The following BMAL1 variants were observed in gnomAD, a reference collection of about 807,000 sequenced individuals.
The protein encoded by BMAL1 is basic helix-loop-helix ARNT like 1.
At chr11:13,361,857 C>G in the BMAL1 span, among the ~76,000 whole-genome samples, 1 of 149,984 alleles carries the variant, frequency 6.7e-6, no homozygotes, top group Non-Finnish European at 1.5e-5. Flanking sequence ...GCCAGACCCA[C>G]TGTAAAAACA....
At chr11:13,308,069 C>T in the BMAL1 span, among the ~76,000 whole-genome samples, 6 of 151,774 alleles carry the variant, frequency 4.0e-5, no homozygotes, top group Admixed American at 3.9e-4. Flanking sequence ...AGGATGGGGA[C>T]GGTGGAGGTG....
the BMAL1 span, chr11:13,372,428 C>A: frequency 2.5e-6 from 4 of 1,610,674 alleles, no homozygotes; most frequent in Non-Finnish European, 3.4e-6. Flanking sequence ...CTACATACTA[C>A]CCTTGAGCAA....
At chr11:13,314,728 A>G in the BMAL1 span, among the ~76,000 whole-genome samples, 5 of 152,196 alleles carry the variant, frequency 3.3e-5, no homozygotes, top group African/African-American at 1.2e-4. Context: ...CTACTGTCTG[A>G]CAGCCTTTTT....
chr11:13,376,606 G>T, the BMAL1 span: 2 of 1,607,426 alleles, frequency 1.2e-6, no homozygotes, highest in South Asian at 1.1e-5. Context: ...GAGCAGGCCT[G>T]ACTCACGTTT....
chr11:13,358,058 G>C, the BMAL1 span, among the ~76,000 whole-genome samples: 1 of 152,172 alleles, frequency 6.6e-6, no homozygotes, highest in African/African-American at 2.4e-5. Flanking sequence ...ACGGGGCTCT[G>C]GATGCTCTGT....
At chr11:13,325,694 T>TGTGTGGGG in the BMAL1 span, among the ~76,000 whole-genome samples, 1 of 151,578 alleles carries the variant, frequency 6.6e-6, no homozygotes. Flanking sequence ...TGTGTGTGTG[T>TGTGTGGGG]GGGCTTGAAT....
At chr11:13,333,496 A>G in the BMAL1 span, among the ~76,000 whole-genome samples, 1 of 152,176 alleles carries the variant, frequency 6.6e-6, no homozygotes, top group Non-Finnish European at 1.5e-5. Flanking sequence ...GACTGGTGCA[A>G]AGTCCATCCT....
At chr11:13,348,119 G>C in the BMAL1 span, among the ~76,000 whole-genome samples, 11 of 152,248 alleles carry the variant, frequency 7.2e-5, 1 homozygote, top group East Asian at 2.1e-3. Context: ...AGCTCTGAAG[G>C]CTTCTCCAGG....
the BMAL1 span, among the ~76,000 whole-genome samples, chr11:13,382,580 C>T: frequency 2.0e-5 from 3 of 151,446 alleles, no homozygotes; most frequent in African/African-American, 7.3e-5. Context: ...ACCTCCAGGT[C>T]CTTCCTGCAT....
the BMAL1 span, among the ~76,000 whole-genome samples, chr11:13,315,252 C>A: frequency 6.6e-6 from 1 of 152,184 alleles, no homozygotes; most frequent in Non-Finnish European, 1.5e-5. Flanking sequence ...GCCTGGAATG[C>A]ATTTTTCTCC....
the BMAL1 span, among the ~76,000 whole-genome samples, chr11:13,284,077 GGTGTGTGTGT>G: frequency 1.1e-4 from 9 of 85,626 alleles, 1 homozygote; most frequent in African/African-American, 5.0e-4. Context: ...ACAGTGTTGG[GGTGTGTGTGT>G]GTGTGTGTGT....
the BMAL1 span, among the ~76,000 whole-genome samples, chr11:13,302,916 C>G: frequency 3.9e-5 from 6 of 152,202 alleles, no homozygotes; most frequent in African/African-American, 9.7e-5. Context: ...CAGCCTCTTT[C>G]TCTCCGAGAT....
the BMAL1 span, chr11:13,357,191 G>C: frequency 1.3e-6 from 2 of 1,545,852 alleles, no homozygotes; most frequent in Non-Finnish European, 1.8e-6. The surrounding 1 kb of genome is among the most constrained non-coding windows in gnomAD (Gnocchi z 4.8). Context: ...CTGTCTAAGA[G>C]TTCTGTTGGG....
At chr11:13,305,745 G>T in the BMAL1 span, among the ~76,000 whole-genome samples, 1 of 152,150 alleles carries the variant, frequency 6.6e-6, no homozygotes, top group Non-Finnish European at 1.5e-5. Flanking sequence ...TGTTGTAGAT[G>T]CCACTTGCAC....
At chr11:13,293,158 T>C in the BMAL1 span, among the ~76,000 whole-genome samples, 2 of 152,102 alleles carry the variant, frequency 1.3e-5, no homozygotes, top group South Asian at 2.1e-4. Flanking sequence ...TGTGCAGCCA[T>C]CTAGAGGTCA....
the BMAL1 span, among the ~76,000 whole-genome samples, chr11:13,386,341 A>G: frequency 7.0e-6 from 1 of 142,226 alleles, no homozygotes; most frequent in Admixed American, 7.4e-5. Context: ...ACTTATTTCT[A>G]AAATGATCAT....
At chr11:13,292,549 A>AG in the BMAL1 span, among the ~76,000 whole-genome samples, 2 of 86,612 alleles carry the variant, frequency 2.3e-5, no homozygotes, top group Non-Finnish European at 5.9e-5. Flanking sequence ...TCCATCTCAA[A>AG]AAAAAAAAAA....
chr11:13,383,235 AC>A, the BMAL1 span, among the ~76,000 whole-genome samples: 1 of 152,236 alleles, frequency 6.6e-6, no homozygotes, highest in Admixed American at 6.5e-5. Flanking sequence ...GAGAGTACAG[AC>A]ATCCAGAAGC....
the BMAL1 span, among the ~76,000 whole-genome samples, chr11:13,343,477 C>A: frequency 6.6e-6 from 1 of 152,168 alleles, no homozygotes. Context: ...TCCTGGGCCA[C>A]TTCAATTTGG....
Sources: gnomAD v4.1 joint callset for allele counts (sites outside exome capture counted in the v4.1 genomes callset) on GRCh38, gnomAD v4.1.1 for gene constraint, Gnocchi (gnomAD v3.1) non-coding constraint, MANE v1.5 for transcripts, NCBI Gene and HGNC (gene_info 2026-07-23, HGNC 2026-07-21) for gene names.